RASGRF2: variants seen among roughly 807,000 people sequenced by gnomAD.
The protein encoded by RASGRF2 is Ras protein specific guanine nucleotide releasing factor 2, also known as ras-specific guanine nucleotide-releasing factor 2.
RASGRF2 carries 76 observed loss-of-function variants against 151.0 expected under a neutral mutation model. The ratio of observed to expected loss-of-function variants is 0.50; its 90% CI spans 0.42 to 0.61. RASGRF2 has a LOEUF of 0.61. Among genes scored for constraint, RASGRF2 ranks in the 20% least tolerant of loss-of-function variants. The pLI is 0.00. For synonymous variants in RASGRF2, 504 were observed against 566.5 expected (o/e 0.89, Z 1.57); for missense variants, 1,148 against 1,564.6 (o/e 0.73, Z 4.49).
At chr5:81,027,461 T>C (rs1750077195) in intron 1 of RASGRF2, among the ~76,000 whole-genome samples, 1 of 152,202 alleles carries the variant, frequency 6.6e-6, no homozygotes, top group Non-Finnish European at 1.5e-5. Flanking sequence ...GTCACTCTGC[T>C]CTGCCCATTC....
In RASGRF2 at chr5:81,219,711, T is replaced by C; in HGVS notation, c.3554T>C (p.Ile1185Thr). ...TTGTTTTGTTTTTTTCTCTGTTAGATATCACACATCATCAGAGAGATACGC... is the reference window on the plus strand; with the variant it reads ...TTGTTTTGTTTTTTTCTCTGTTAGACATCACACATCATCAGAGAGATACGC... ...GLVNFSKMRM[I>T]SHIIREIRQF... The change falls in exon 26 of 27, where the codon ATA (isoleucine) becomes ACA (threonine). Residue 1185 changes from isoleucine to threonine, a missense_variant and splice_region_variant. Physicochemically the swap from Ile to Thr is moderately conservative, Grantham distance 89. Transcript: ENST00000265080. The C allele has an allele frequency of 6.2e-7, 1 of 1,607,492 alleles. No homozygotes were observed. Among genetic ancestry groups the C allele is most frequent in the Non-Finnish European group, 8.5e-7 (1 of 1,174,068 alleles).
chr5:81,109,204 A>C, intron 13 of RASGRF2, 126 bp downstream of exon 13: 1 of 1,409,978 alleles, frequency 7.1e-7, no homozygotes, highest in Non-Finnish European at 9.3e-7. Context: ...TCTTGACAGG[A>C]ATGCAGTGAT....
rs530487143 is a variant in RASGRF2, at chr5:81,155,188, A to G, written c.2687-24987A>G. The stretch of plus-strand genomic sequence containing the variant: ...TTTAGAGAGAAATGTATATATTTCA[A>G]TATCTACATTAGAGAAGAAAAATGA... On this transcript the variant is annotated intron_variant, in intron 17 of 26. Coordinates refer to ENST00000265080, the MANE Select transcript of RASGRF2 (RefSeq NM_006909.3). Among the ~76,000 whole-genome samples, 134 of 152,330 alleles carry G rather than the reference A, an allele frequency of 8.8e-4. 1 individual carries two copies. Among genetic ancestry groups the G allele is most frequent in the African/African-American group, 3.2e-3 (133 of 41,582 alleles).
intron 1 of RASGRF2, among the ~76,000 whole-genome samples, chr5:80,994,240 C>A (rs1214227535): frequency 6.6e-6 from 1 of 151,884 alleles, no homozygotes; most frequent in Non-Finnish European, 1.5e-5. Context: ...GTGGTAGGCG[C>A]CTGTAGTCCC....
chr5:81,201,187 A>G, intron 18 of RASGRF2, 143 bp from the exon 19 acceptor site: 3 of 1,300,352 alleles, frequency 2.3e-6, no homozygotes, highest in Non-Finnish European at 2.0e-6. Context: ...TCGGGACCCT[A>G]GGTGTGGCAG....
At position 81,201,487 on chromosome 5, in the gene RASGRF2, C is replaced by T. The variant is rs1755393240; in HGVS notation, c.2906+45C>T. On this transcript the variant is annotated intron_variant, in intron 19 of 26. Transcript: ENST00000265080. ...CCGACTGGATGACATTGGTTGATTC[C>T]TGCTATGTTCATAGAAAATAAGAGC... 2.6e-6 allele frequency: 4 copies of T among 1,564,962 alleles called. No homozygotes were observed. In the African/African-American group the frequency reaches 5.5e-5, roughly 22 times the overall value.
Position 81,086,820 on chromosome 5 carries a change from T to G in RASGRF2, c.1272-15T>G, listed in dbSNP as rs752361264. ...AAATCTCTCTTACTGTGATCCTGTC[T>G]GTGTTGTGTCACAGAGTAATGCACG... On this transcript the variant is annotated splice_polypyrimidine_tract_variant and intron_variant, in intron 8 of 26. Transcript: ENST00000265080. 6.3e-7 allele frequency: 1 copy of G among 1,582,624 alleles called. No individual in the cohort carries two copies. Among genetic ancestry groups the G allele is most frequent in the Non-Finnish European group, 8.7e-7 (1 of 1,151,526 alleles).
chr5:81,198,535 G>T (rs1426085183), intron 18 of RASGRF2, among the ~76,000 whole-genome samples: 2 of 152,082 alleles, frequency 1.3e-5, no homozygotes, highest in African/African-American at 4.8e-5. Context: ...CGCCTGCCGG[G>T]TTCACACCAT....
chr5:80,994,757 G>A (rs1748777699), intron 1 of RASGRF2, among the ~76,000 whole-genome samples: 1 of 152,088 alleles, frequency 6.6e-6, no homozygotes, highest in Admixed American at 6.6e-5. Flanking sequence ...ATCAAGCATG[G>A]GTATGTACTC....
chr5:81,152,778 A>G (rs947178819), intron 17 of RASGRF2, among the ~76,000 whole-genome samples: 2 of 152,256 alleles, frequency 1.3e-5, no homozygotes, highest in Non-Finnish European at 2.9e-5. Flanking sequence ...GAACCTAGCT[A>G]GATAAGAACA....
chr5:81,121,586 G>C (rs1286980645), intron 15 of RASGRF2, among the ~76,000 whole-genome samples: 1 of 152,086 alleles, frequency 6.6e-6, no homozygotes, highest in Non-Finnish European at 1.5e-5. Flanking sequence ...ATGAACTTAG[G>C]GAAAAAATAA....
chr5:81,127,130 G>C lies in RASGRF2; in HGVS notation c.2653G>C (p.Ala885Pro), dbSNP rs1386860682. The C allele has an allele frequency of 1.2e-6, 2 of 1,614,036 alleles. No homozygotes were observed. The highest frequency in any genetic ancestry group is 1.7e-6 in the Non-Finnish European group (2 of 1,179,970). The change falls in exon 17 of 27, where the codon GCC (alanine) becomes CCC (proline). Residue 885 changes from alanine (A) to proline (P), a missense_variant. Ala to Pro is a conservative substitution (Grantham distance 27). Transcript: ENST00000265080. ...SVSPASAFAIATAAAGHGSPP... is the reference protein window; with the variant it reads ...SVSPASAFAIPTAAAGHGSPP... Reference sequence around the variant, plus strand: ...TTCACCGGCTTCTGCTTTTGCAATAGCCACAGCTGCAGCAGGACATGGGAG... The same window carrying C: ...TTCACCGGCTTCTGCTTTTGCAATACCCACAGCTGCAGCAGGACATGGGAG...
chr5:81,019,550 C>T (rs1258745106), intron 1 of RASGRF2: 5 of 152,072 alleles, frequency 3.3e-5, no homozygotes, highest in Admixed American at 6.5e-5. Flanking sequence ...CTGTGAGAGG[C>T]GAGGCTTTCA....
At chr5:81,052,647 C>T (rs1751049443) in intron 2 of RASGRF2, among the ~76,000 whole-genome samples, 1 of 152,060 alleles carries the variant, frequency 6.6e-6, no homozygotes, top group South Asian at 2.1e-4. Context: ...TATTAATTAG[C>T]CAATGAAGTG....
chr5:81,164,461 A>G (rs1420906366), intron 17 of RASGRF2, among the ~76,000 whole-genome samples: 1 of 151,826 alleles, frequency 6.6e-6, no homozygotes, highest in East Asian at 1.9e-4. Context: ...TTGATGAAAA[A>G]AAAAAAACCC....
At chr5:81,138,819 T>C (rs372420493) in intron 17 of RASGRF2, among the ~76,000 whole-genome samples, 1 of 152,152 alleles carries the variant, frequency 6.6e-6, no homozygotes, top group East Asian at 1.9e-4. Flanking sequence ...ACCTCAGTTT[T>C]CTGGTGTGTC....
intron 2 of RASGRF2, among the ~76,000 whole-genome samples, chr5:81,058,721 T>C (rs918427869): frequency 6.0e-5 from 9 of 148,892 alleles, no homozygotes; most frequent in African/African-American, 2.2e-4. Flanking sequence ...GAGGGTTGTT[T>C]GAGCCTGAGA....
chr5:81,217,492 T>A lies in RASGRF2; in HGVS notation c.3552+19T>A. ...GAGAATGGTAGGTATAATTTCATAA[T>A]TAGCCTGTTTCAATGGCTTTAGAGG... On this transcript the variant is annotated intron_variant, in intron 25 of 26. Coordinates refer to ENST00000265080, the MANE Select transcript of RASGRF2 (RefSeq NM_006909.3). 6.2e-7 allele frequency: 1 copy of A among 1,602,272 alleles called. No individual in the cohort carries two copies.
At chr5:80,987,925 C>T (rs1277904728) in intron 1 of RASGRF2, among the ~76,000 whole-genome samples, 1 of 151,756 alleles carries the variant, frequency 6.6e-6, no homozygotes, top group African/African-American at 2.4e-5. Flanking sequence ...CACAACACTT[C>T]CTGTTATATC....
Sources: allele counts gnomAD v4.1 joint callset (sites outside exome capture counted in the v4.1 genomes callset), GRCh38; gene constraint gnomAD v4.1.1; transcripts MANE v1.5; gene names NCBI Gene and HGNC (gene_info 2026-07-23, HGNC 2026-07-21).